FAM120C: variants seen among roughly 807,000 people sequenced by gnomAD.
The protein encoded by FAM120C is constitutive coactivator of PPAR-gamma-like protein 2.
In FAM120C, 14 loss-of-function variants were observed where a neutral mutation model predicts 71.2. That is an observed-to-expected ratio of 0.20 (90% CI 0.13 to 0.31). FAM120C has a LOEUF of 0.31. Among genes scored for constraint, FAM120C ranks in the 10% least tolerant of loss-of-function variants. The probability of loss-of-function intolerance (pLI) is 1.00; values close to 1 mark genes in which losing one functional copy is unlikely to be tolerated. For synonymous variants in FAM120C, 354 were observed against 353.2 expected, an observed-to-expected ratio of 1.00 and a Z score of -0.03; for missense variants, 500 against 879.0, an observed-to-expected ratio of 0.57 and a Z score of 5.45.
At chrX:54,116,817 A>G (rs1210358435) in intron 9 of FAM120C, 23 bp from the exon 10 acceptor site, 1 of 1,202,413 alleles carries the variant, frequency 8.3e-7, no homozygotes, top group African/African-American at 1.8e-5. Flanking sequence ...AATTGAGGAA[A>G]AAGAGGCTCT....
rs145793460 is a variant in FAM120C, at chrX:54,087,761, A to G, written c.2631T>C (p.Asp877=). Residue 877 remains aspartate (D), a synonymous_variant, in exon 12 of 16, where the codon GAT becomes GAC. Transcript: ENST00000375180. ...CAGCCTGACATGCTGGTACCTGGCC[A>G]TCACAGAGCTCAACCAGAGATACTC... ...RERVSLVELC[D]GQADLATKVE... is the part of the protein sequence containing the mutation. 3.3e-6 allele frequency: 4 copies of G among 1,207,980 alleles called. No individual in the cohort carries two copies. The African/African-American group carries it at 7.0e-5, about 21-fold the overall frequency.
rs368426599 is a variant in FAM120C at position 54,176,079 on chromosome X, T to C, written c.699+6421A>G. ...GGTCCAACCATGTTCTAGCAGTGTA[T>C]CCTTGGGCCAGTAACTACACTGAGC... On this transcript the variant is annotated intron_variant, in intron 1 of 15. Coordinates refer to ENST00000375180, the MANE Select transcript of FAM120C (RefSeq NM_017848.6). Among the ~76,000 whole-genome samples the C allele has an allele frequency of 5.1e-4, 57 of 112,056 alleles. 1 individual carries two copies. In the East Asian group the frequency reaches 7.0e-3, roughly 14 times the overall value.
intron 1 of FAM120C, among the ~76,000 whole-genome samples, chrX:54,161,390 T>C (rs782690540): frequency 4.7e-4 from 52 of 111,649 alleles, no homozygotes; most frequent in Non-Finnish European, 8.8e-4. Context: ...CTGGGTCACA[T>C]TGACATCAAA....
At chrX:54,131,476 T>C (rs2067065915) in intron 9 of FAM120C, among the ~76,000 whole-genome samples, 1 of 108,343 alleles carries the variant, frequency 9.2e-6, no homozygotes, top group African/African-American at 3.4e-5. Context: ...TTCGCTCTTG[T>C]TGCCGAGGCT....
intron 4 of FAM120C, among the ~76,000 whole-genome samples, chrX:54,144,592 G>A (rs1359030657): frequency 9.0e-6 from 1 of 110,929 alleles, no homozygotes; most frequent in Non-Finnish European, 1.9e-5. Context: ...AAAATACCTA[G>A]GAATCCAATT....
rs782816921 is a variant in FAM120C at position 54,159,340 on chromosome X, T to C, written c.946+30A>G. 8.3e-6 allele frequency: 10 copies of C among 1,208,458 alleles called. No individual in the cohort carries two copies. In the South Asian group the frequency reaches 1.8e-4, roughly 21 times the overall value. On this transcript the variant is annotated intron_variant, in intron 2 of 15. Transcript: ENST00000375180. ...TAACACCAGAAGAGGAAACTACCAA[T>C]CACTGCAGTCTTTTCTTTGGATGAC...
At position 54,134,808 on chromosome X, in the gene FAM120C, T is replaced by G. The variant is rs782757940; in HGVS notation, c.1616+23A>C. The G allele has an allele frequency of 3.4e-6, 4 of 1,188,067 alleles. No homozygotes were observed. In the Admixed American group the frequency reaches 9.2e-5, roughly 27 times the overall value. Reference sequence around the variant, plus strand: ...CAGATGCCTCAGAAATCTACTTCCTTAGGTGTCTACAGAGATACTTACTCA... The same window carrying G: ...CAGATGCCTCAGAAATCTACTTCCTGAGGTGTCTACAGAGATACTTACTCA... On this transcript the variant is annotated intron_variant, in intron 7 of 15. Transcript: ENST00000375180.
chrX:54,098,749 G>T (rs1003142843), intron 10 of FAM120C, among the ~76,000 whole-genome samples: 94 of 110,853 alleles, frequency 8.5e-4, no homozygotes, highest in African/African-American at 2.9e-3. Context: ...TCAGCCTCCT[G>T]AGTAGCTGGG....
intron 10 of FAM120C, among the ~76,000 whole-genome samples, chrX:54,097,373 C>T (rs1476179563): frequency 2.7e-5 from 3 of 111,698 alleles, no homozygotes; most frequent in Admixed American, 9.6e-5. Context: ...CATGATGGTT[C>T]ATGCCTATAA....
At chrX:54,139,604 G>A (rs2146615894) in intron 4 of FAM120C, among the ~76,000 whole-genome samples, 1 of 110,794 alleles carries the variant, frequency 9.0e-6, no homozygotes, top group African/African-American at 3.3e-5. Context: ...GCCTCCCAAA[G>A]TTCTGGAATT....
At chrX:54,112,280 G>C (rs1901402652) in intron 10 of FAM120C, among the ~76,000 whole-genome samples, 1 of 110,711 alleles carries the variant, frequency 9.0e-6, no homozygotes, top group Non-Finnish European at 1.9e-5. Flanking sequence ...AGCGGGGAAG[G>C]GTAGTGCACA....
chrX:54,177,312 T>C (rs782454726), intron 1 of FAM120C, among the ~76,000 whole-genome samples: 2 of 111,307 alleles, frequency 1.8e-5, no homozygotes, highest in South Asian at 7.6e-4. Flanking sequence ...AGTGTTATGG[T>C]AAAGGAACAA....
At chrX:54,158,406 G>A (rs2067220689) in intron 2 of FAM120C, among the ~76,000 whole-genome samples, 1 of 111,946 alleles carries the variant, frequency 8.9e-6, no homozygotes, top group Non-Finnish European at 1.9e-5. Context: ...ACCTTCATGC[G>A]CTAAGTACTT....
At chrX:54,092,413 C>T (rs2066828774) in intron 10 of FAM120C, among the ~76,000 whole-genome samples, 1 of 109,973 alleles carries the variant, frequency 9.1e-6, no homozygotes, top group African/African-American at 3.3e-5. Context: ...GGTGTGGTGG[C>T]GGGCACCTGT....
At chrX:54,128,436 C>T (rs917450757) in intron 9 of FAM120C, among the ~76,000 whole-genome samples, 11 of 110,285 alleles carry the variant, frequency 1.0e-4, no homozygotes, top group Non-Finnish European at 1.3e-4. Flanking sequence ...GTCACTTGTA[C>T]GTATTCTTTT....
intron 9 of FAM120C, among the ~76,000 whole-genome samples, chrX:54,130,639 T>A (rs1440800192): frequency 5.4e-5 from 6 of 111,326 alleles, no homozygotes; most frequent in Non-Finnish European, 9.4e-5. Context: ...CTTGACCTTA[T>A]CTGACACCTC....
In FAM120C at chrX:54,182,869, GGGCGGC is replaced by G. The variant is rs781789688; in HGVS notation, c.324_329del (p.Pro110_Pro111del). ...GCACCCGGGCCCCGGGCAGCTGAGG[GGGCGGC>G]GGCGGCGGCAGCGGAGGGTGCAGCC... On this transcript the variant is annotated inframe_deletion, in exon 1 of 16. Transcript: ENST00000375180. The G allele has an allele frequency of 2.5e-5, 28 of 1,132,862 alleles. No individual in the cohort carries two copies. The highest frequency in any genetic ancestry group is 1.1e-4 in the South Asian group (5 of 46,994). 93.4% of individuals were successfully genotyped at this position (1,132,862 alleles called of 1,213,427 possible).
At chrX:54,104,410 T>C (rs2146579164) in intron 10 of FAM120C, among the ~76,000 whole-genome samples, 1 of 112,249 alleles carries the variant, frequency 8.9e-6, no homozygotes, top group Admixed American at 9.5e-5. Context: ...TGCTGGACAA[T>C]GCAGTATTAA....
At chrX:54,171,479 G>C (rs1557135942) in intron 1 of FAM120C, 1 of 112,158 alleles carries the variant, frequency 8.9e-6, no homozygotes, top group Non-Finnish European at 1.9e-5. Context: ...CAAAATACTG[G>C]AGTTTACATT....
Sources: gnomAD v4.1 joint callset for allele counts (sites outside exome capture counted in the v4.1 genomes callset) on GRCh38, gnomAD v4.1.1 for gene constraint, MANE v1.5 for transcripts, NCBI Gene and HGNC (gene_info 2026-07-23, HGNC 2026-07-21) for gene names.